Variants in PRDM16 observed in about 807,000 individuals in gnomAD.
PRDM16 encodes histone-lysine N-methyltransferase PRDM16.
Under a neutral mutation model 110.6 loss-of-function variants are expected in PRDM16, and 23 were observed. That is an observed-to-expected ratio of 0.21 (90% confidence interval 0.15 to 0.29). PRDM16 has a LOEUF of 0.29. Among genes scored for constraint, PRDM16 ranks in the 10% least tolerant of loss-of-function variants. The probability of loss-of-function intolerance (pLI) is 1.00; values close to 1 mark genes in which losing one functional copy is unlikely to be tolerated. For synonymous variants in PRDM16, 799 were observed against 781.8 expected, an observed-to-expected ratio of 1.02 and a Z score of -0.37; for missense variants, 1,615 against 1,794.3, an observed-to-expected ratio of 0.90 and a Z score of 1.81.
Position 3,141,954 on chromosome 1 carries a change from G to A in PRDM16, c.38-44171G>A, listed in dbSNP as rs539977611. 5.2e-5 allele frequency among the ~76,000 whole-genome samples: 8 copies of A among 152,384 alleles called. No homozygotes were observed. The East Asian group carries it at 1.5e-3, about 29-fold the overall frequency. Reference sequence around the variant, plus strand: ...CTTTTCTGGCCCTCAGGCCTGCCTGGAACGAGAACACTCATGGTGCACCGC... The same window carrying A: ...CTTTTCTGGCCCTCAGGCCTGCCTGAAACGAGAACACTCATGGTGCACCGC... On this transcript the variant is annotated intron_variant, in intron 1 of 16. Coordinates refer to ENST00000270722, the MANE Select transcript of PRDM16 (RefSeq NM_022114.4).
intron 1 of PRDM16, among the ~76,000 whole-genome samples, chr1:3,145,492 C>G (rs1424857238): frequency 6.6e-6 from 1 of 152,142 alleles, no homozygotes; most frequent in East Asian, 1.9e-4. Flanking sequence ...TGGAGAGTCC[C>G]CAGGGGAAGT....
chr1:3,306,549 A>G (rs752228759), intron 3 of PRDM16: 1 of 152,184 alleles, frequency 6.6e-6, no homozygotes, highest in African/African-American at 2.4e-5. Context: ...CTCAAAATCT[A>G]CTACCTCGTA....
At chr1:3,389,462 A>G (rs1465831762) in intron 4 of PRDM16, among the ~76,000 whole-genome samples, 5 of 152,128 alleles carry the variant, frequency 3.3e-5, no homozygotes, top group African/African-American at 7.2e-5. Flanking sequence ...CCCCACCTCC[A>G]CGTTCTCATC....
intron 2 of PRDM16, among the ~76,000 whole-genome samples, chr1:3,188,036 A>T (rs537793742): frequency 1.2e-4 from 18 of 152,152 alleles, no homozygotes; most frequent in Non-Finnish European, 2.4e-4. Context: ...GTGAAGCAGG[A>T]CAGGGAGAGA....
intron 2 of PRDM16, among the ~76,000 whole-genome samples, chr1:3,193,517 C>A (rs911184079): frequency 1.3e-5 from 2 of 152,210 alleles, no homozygotes; most frequent in Non-Finnish European, 2.9e-5. Flanking sequence ...TCCCTTTGCA[C>A]CCCTGGAGCT....
Position 3,425,112 on chromosome 1 carries a change from C to T in PRDM16, c.2940-469C>T, listed in dbSNP as rs773070336. 1.4e-5 allele frequency: 2 copies of T among 147,024 alleles called. No homozygotes were observed. The highest frequency in any genetic ancestry group is 2.5e-5 in the African/African-American group (1 of 39,290). 9.1% of individuals were successfully genotyped at this position (147,024 alleles called of 1,614,324 possible). The stretch of plus-strand genomic sequence containing the variant: ...TTTTTTTTTGAGATGGAGTCTCGCT[C>T]TGTCGCCCAGGCTGGAGTGCGGTGG... On this transcript the variant is annotated intron_variant, in intron 12 of 16. Transcript: ENST00000270722. This position sits in a 1 kb window ranked among gnomAD's most constrained non-coding sequence, Gnocchi z 6.9.
intron 3 of PRDM16, among the ~76,000 whole-genome samples, chr1:3,274,087 T>G (rs1640529007): frequency 6.6e-6 from 1 of 151,078 alleles, no homozygotes; most frequent in Admixed American, 6.6e-5. Context: ...AAATAGAAAG[T>G]CCCTAAGAAA....
chr1:3,362,817 G>A (rs1358329219), intron 3 of PRDM16, among the ~76,000 whole-genome samples: 1 of 152,190 alleles, frequency 6.6e-6, no homozygotes, highest in Non-Finnish European at 1.5e-5. Flanking sequence ...CCTGCTCCAG[G>A]GAGCGTCGGG....
chr1:3,436,033 C>A lies in PRDM16; in HGVS notation c.*2222C>A, dbSNP rs1557677083. On this transcript the variant is annotated 3_prime_UTR_variant, in exon 17 of 17. Coordinates refer to ENST00000270722, the MANE Select transcript of PRDM16 (RefSeq NM_022114.4). ...ACACAACTGCTCAGGCCTTCTCACG[C>A]GTTTCCACAACATCCCCTGGGTCAG... 4.3e-6 allele frequency: 1 copy of A among 230,128 alleles called. No homozygotes were observed. The highest frequency in any genetic ancestry group is 6.2e-5 in the East Asian group (1 of 16,208). The allele number at this position is 230,128 out of a possible 1,614,324, so 14.3% of individuals were successfully genotyped here. A position where few individuals can be genotyped will look rare whatever the true frequency, so the allele number is the denominator to read the frequency against.
At chr1:3,396,842 C>T (rs902878495) in intron 5 of PRDM16, among the ~76,000 whole-genome samples, 3 of 152,200 alleles carry the variant, frequency 2.0e-5, no homozygotes, top group African/African-American at 7.2e-5. Context: ...GGAGGTGCAC[C>T]CAGAATTTAA....
At chr1:3,127,538 C>G (rs1362864163) in intron 1 of PRDM16, among the ~76,000 whole-genome samples, 4 of 152,214 alleles carry the variant, frequency 2.6e-5, no homozygotes, top group Admixed American at 6.5e-5. Context: ...GAATCTTTAT[C>G]GAGCTCAAAT....
At chr1:3,322,362 C>A (rs566181569) in intron 3 of PRDM16, among the ~76,000 whole-genome samples, 9 of 152,130 alleles carry the variant, frequency 5.9e-5, no homozygotes, top group Non-Finnish European at 1.0e-4. Context: ...TCTTCCCCTC[C>A]GGAGCCTATA....
intron 1 of PRDM16, among the ~76,000 whole-genome samples, chr1:3,146,484 G>T (rs1557482582): frequency 6.8e-6 from 1 of 147,790 alleles, no homozygotes; most frequent in Non-Finnish European, 1.5e-5. Context: ...ATGTGTGCTT[G>T]GTTGGGGTGT....
intron 6 of PRDM16, among the ~76,000 whole-genome samples, chr1:3,404,055 A>T (rs1326826752): frequency 6.6e-6 from 1 of 152,220 alleles, no homozygotes; most frequent in Non-Finnish European, 1.5e-5. Context: ...CAGTCTCCTG[A>T]TGCTCGGGAA....
At chr1:3,410,839 C>G (rs1303130927) in intron 8 of PRDM16, among the ~76,000 whole-genome samples, 4 of 152,184 alleles carry the variant, frequency 2.6e-5, no homozygotes, top group African/African-American at 9.7e-5. Flanking sequence ...TTCGCTTTCC[C>G]CGTGCCCCGC....
At position 3,171,836 on chromosome 1, in the gene PRDM16, C is replaced by A. The variant is rs573459364; in HGVS notation, c.38-14289C>A. Among the ~76,000 whole-genome samples the A allele has an allele frequency of 7.6e-4, 116 of 152,276 alleles. 1 individual carries two copies. The highest frequency in any genetic ancestry group is 3.9e-4 in the East Asian group (2 of 5,146). ...CCCTCGTCTCTGTGGCCACCCGGGC[C>A]CTCCACCAGCCAGAACCTCTTGTCG... is the stretch of plus-strand genomic sequence containing the variant. On this transcript the variant is annotated intron_variant, in intron 1 of 16. Transcript: ENST00000270722.
At chr1:3,421,845 C>A (rs541964309) in intron 12 of PRDM16, among the ~76,000 whole-genome samples, 1 of 152,384 alleles carries the variant, frequency 6.6e-6, no homozygotes, top group Admixed American at 6.5e-5. Flanking sequence ...CGTGTTTGAG[C>A]ACACATGCAG....
chr1:3,412,845 G>A (rs569888779), intron 9 of PRDM16, 45 bp downstream of exon 9: 46 of 1,400,864 alleles, frequency 3.3e-5, no homozygotes, highest in South Asian at 9.3e-5. Context: ...GGGCGGGGCC[G>A]CGGCGGTGCT....
chr1:3,288,634 A>G (rs1388607826), intron 3 of PRDM16, among the ~76,000 whole-genome samples: 6 of 152,094 alleles, frequency 3.9e-5, no homozygotes, highest in African/African-American at 7.2e-5. Context: ...ACCACCACCC[A>G]TAGCCCCTCC....
Sources: gnomAD v4.1 joint callset for allele counts (sites outside exome capture counted in the v4.1 genomes callset) on GRCh38, gnomAD v4.1.1 for gene constraint, Gnocchi (gnomAD v3.1) non-coding constraint, MANE v1.5 for transcripts, NCBI Gene and HGNC (gene_info 2026-07-23, HGNC 2026-07-21) for gene names.